CLSTN2: variants seen among roughly 807,000 people sequenced by gnomAD.
CLSTN2 encodes calsyntenin-2.
In CLSTN2, 48 loss-of-function variants were observed where a neutral mutation model predicts 101.2. That is an observed-to-expected ratio of 0.47 (90% CI 0.38 to 0.60). The LOEUF (loss-of-function observed/expected upper bound fraction) is 0.60. Among genes scored for constraint, CLSTN2 ranks in the 20% least tolerant of loss-of-function variants. CLSTN2 has a pLI of 0.00. For synonymous variants in CLSTN2, 481 were observed against 463.6 expected, an observed-to-expected ratio of 1.04 and a Z score of -0.48; for missense variants, 1,160 against 1,238.2, an observed-to-expected ratio of 0.94 and a Z score of 0.95.
chr3:140,562,402 C>T, intron 13 of CLSTN2, 94 bp downstream of exon 13: 2 of 1,227,854 alleles, frequency 1.6e-6, no homozygotes, highest in South Asian at 3.0e-5. Context: ...TGTGAAGGAG[C>T]ACTGTGAAGC....
intron 1 of CLSTN2, among the ~76,000 whole-genome samples, chr3:140,088,165 G>C (rs1385252359): frequency 1.3e-5 from 2 of 152,132 alleles, no homozygotes; most frequent in East Asian, 1.9e-4. Flanking sequence ...ATAATCACTT[G>C]GTTAAAATAA....
At chr3:140,367,184 T>C (rs2087800396) in intron 2 of CLSTN2, among the ~76,000 whole-genome samples, 1 of 150,672 alleles carries the variant, frequency 6.6e-6, no homozygotes, top group African/African-American at 2.4e-5. Flanking sequence ...TTTGGAACTT[T>C]ACAATTATGG....
intron 10 of CLSTN2, among the ~76,000 whole-genome samples, chr3:140,552,856 A>G (rs2107789589): frequency 6.6e-6 from 1 of 152,318 alleles, no homozygotes; most frequent in South Asian, 2.1e-4. Context: ...CTATAGGAGG[A>G]TGGTGCAGGG....
At chr3:140,133,724 G>T (rs1576439539) in intron 1 of CLSTN2, among the ~76,000 whole-genome samples, 2 of 152,154 alleles carry the variant, frequency 1.3e-5, no homozygotes, top group Non-Finnish European at 2.9e-5. Context: ...AGCTTGGGAG[G>T]CAGGACTAAA....
rs572621269 is a variant in CLSTN2 at position 140,168,145 on chromosome 3, C to T, written c.110-7806C>T. Reference sequence around the variant, plus strand: ...GACTGTATTAGTCTTACATTCTTACCAACAATGTCTAAAAGTTCCAATTAC... The same window carrying T: ...GACTGTATTAGTCTTACATTCTTACTAACAATGTCTAAAAGTTCCAATTAC... On this transcript the variant is annotated intron_variant, in intron 1 of 16. Coordinates refer to ENST00000458420, the MANE Select transcript of CLSTN2 (RefSeq NM_022131.3). Among the ~76,000 whole-genome samples, 4 of 152,128 alleles carry T rather than the reference C, an allele frequency of 2.6e-5. No individual in the cohort carries two copies. The South Asian group carries it at 6.2e-4, about 24-fold the overall frequency.
At chr3:140,459,327 T>C (rs1933497095) in intron 6 of CLSTN2, among the ~76,000 whole-genome samples, 194 bp from the exon 7 acceptor site, 1 of 152,166 alleles carries the variant, frequency 6.6e-6, no homozygotes, top group Non-Finnish European at 1.5e-5. Flanking sequence ...TACTGATGCC[T>C]CCCCAAGAAA....
In CLSTN2 at chr3:140,566,492, T is replaced by C. The variant is rs12494698; in HGVS notation, c.*239T>C. 0.6 allele frequency: 324,272 copies of C among 537,624 alleles called. 107,460 individuals carry two copies. Among genetic ancestry groups the C allele is most frequent in the Middle Eastern group, 0.75 (1,546 of 2,072 alleles). 33.3% of individuals were successfully genotyped at this position (537,624 alleles called of 1,614,324 possible). On this transcript the variant is annotated 3_prime_UTR_variant, in exon 17 of 17. Transcript: ENST00000458420. The stretch of plus-strand genomic sequence containing the variant: ...TCAGGGTAGACTTTGTCCTGTAGCC[T>C]CCACTTCTGCCCTAAGTTCCCCAGC...
intron 2 of CLSTN2, among the ~76,000 whole-genome samples, chr3:140,257,087 A>C (rs985954000): frequency 2.6e-5 from 4 of 152,220 alleles, no homozygotes; most frequent in African/African-American, 9.6e-5. Flanking sequence ...AAATTTGTTC[A>C]TGAAACTGAA....
intron 13 of CLSTN2, among the ~76,000 whole-genome samples, chr3:140,562,529 T>C (rs1210330488): frequency 1.3e-5 from 2 of 152,166 alleles, no homozygotes; most frequent in African/African-American, 4.8e-5. Context: ...GGAGTTCTTT[T>C]GTAGAAGCTA....
intron 1 of CLSTN2, among the ~76,000 whole-genome samples, chr3:140,099,968 G>T (rs1475908074): frequency 2.0e-5 from 3 of 152,162 alleles, no homozygotes; most frequent in African/African-American, 7.2e-5. Flanking sequence ...ATCAGGTGTT[G>T]CAGGGCAATG....
At chr3:140,403,875 C>A in intron 3 of CLSTN2, 51 bp downstream of exon 3, 1 of 1,400,160 alleles carries the variant, frequency 7.1e-7, no homozygotes, top group Non-Finnish European at 9.9e-7. Context: ...CGTGCCCACC[C>A]CACTTCATTC....
chr3:140,142,030 G>A (rs540703865), intron 1 of CLSTN2, among the ~76,000 whole-genome samples: 1 of 152,340 alleles, frequency 6.6e-6, no homozygotes, highest in East Asian at 1.9e-4. Context: ...AGCAACTCCA[G>A]GACTTGAGGA....
chr3:140,153,338 T>C (rs2009898232), intron 1 of CLSTN2, among the ~76,000 whole-genome samples: 1 of 152,278 alleles, frequency 6.6e-6, no homozygotes, highest in East Asian at 1.9e-4. Context: ...CATGCTCTCC[T>C]ATTGAGTGTG....
chr3:140,552,472 G>A (rs1272786042), intron 10 of CLSTN2, among the ~76,000 whole-genome samples: 1 of 151,292 alleles, frequency 6.6e-6, no homozygotes, highest in African/African-American at 2.4e-5. Flanking sequence ...GAACTATGCT[G>A]ATGGCTAGGC....
At chr3:140,516,560 TTC>T (rs1366023903) in intron 8 of CLSTN2, among the ~76,000 whole-genome samples, 6 of 151,940 alleles carry the variant, frequency 3.9e-5, no homozygotes, top group Admixed American at 6.6e-5. Context: ...ATTTTTTTTT[TTC>T]TTTTTGTCTG....
chr3:140,057,395 C>G (rs1009027440), intron 1 of CLSTN2, among the ~76,000 whole-genome samples: 2 of 152,166 alleles, frequency 1.3e-5, no homozygotes, highest in African/African-American at 2.4e-5. Context: ...AAGAAATGGT[C>G]GCTTTTCATA....
intron 1 of CLSTN2, among the ~76,000 whole-genome samples, chr3:140,171,696 AT>A (rs2010223496): frequency 7.5e-5 from 6 of 80,030 alleles, no homozygotes; most frequent in Non-Finnish European, 1.4e-4. Context: ...ATATATATTA[AT>A]ATATAATATG....
chr3:140,159,659 C>A (rs2010013916), intron 1 of CLSTN2, among the ~76,000 whole-genome samples: 1 of 152,048 alleles, frequency 6.6e-6, no homozygotes, highest in Admixed American at 6.6e-5. Context: ...CAATCACACT[C>A]CTGGGTATAT....
intron 1 of CLSTN2, among the ~76,000 whole-genome samples, chr3:140,130,509 T>G (rs2009506102): frequency 6.6e-6 from 1 of 152,218 alleles, no homozygotes; most frequent in South Asian, 2.1e-4. Context: ...ACATTCATGC[T>G]TTTCCTCATT....
Sources: allele counts gnomAD v4.1 joint callset (sites outside exome capture counted in the v4.1 genomes callset), GRCh38; gene constraint gnomAD v4.1.1; transcripts MANE v1.5; gene names NCBI Gene and HGNC (gene_info 2026-07-23, HGNC 2026-07-21).